Variants in SLC25A21 observed in about 807,000 individuals in gnomAD.
The protein encoded by SLC25A21 is mitochondrial 2-oxodicarboxylate carrier.
Under a neutral mutation model 43.8 loss-of-function variants are expected in SLC25A21, and 47 were observed. The observed-to-expected ratio is 1.07, with a 90% CI of 0.85 to 1.37. SLC25A21 has a LOEUF of 1.37. Among genes scored for constraint, SLC25A21 ranks in the 40% most tolerant of loss-of-function variants. The pLI is 0.00. For synonymous variants in SLC25A21, 131 were observed against 121.3 expected, an observed-to-expected ratio of 1.08 and a Z score of -0.52; for missense variants, 352 against 350.2, an observed-to-expected ratio of 1.00 and a Z score of -0.04.
chr14:37,121,836 T>C (rs1184318945), intron 1 of SLC25A21, among the ~76,000 whole-genome samples: 2 of 152,086 alleles, frequency 1.3e-5, no homozygotes, highest in South Asian at 2.1e-4. Flanking sequence ...TTCTATTAAA[T>C]GCCATGAGTG....
intron 1 of SLC25A21, among the ~76,000 whole-genome samples, chr14:36,907,118 C>G (rs1891556271): frequency 6.6e-6 from 1 of 152,062 alleles, no homozygotes; most frequent in Non-Finnish European, 1.5e-5. Flanking sequence ...CTATTATTAG[C>G]AATAATTGAG....
intron 1 of SLC25A21, among the ~76,000 whole-genome samples, chr14:36,974,483 A>G (rs1353499945): frequency 6.6e-6 from 1 of 152,196 alleles, no homozygotes; most frequent in Non-Finnish European, 1.5e-5. Flanking sequence ...TTAGGTGGCT[A>G]CCAAATATTC....
intron 3 of SLC25A21, among the ~76,000 whole-genome samples, chr14:36,775,990 T>G (rs965855377): frequency 6.6e-6 from 1 of 152,118 alleles, no homozygotes; most frequent in Non-Finnish European, 1.5e-5. Context: ...ACCTCATTTT[T>G]CTATCCTTGC....
chr14:37,108,421 T>C (rs1962955265), intron 1 of SLC25A21, among the ~76,000 whole-genome samples: 2 of 152,156 alleles, frequency 1.3e-5, no homozygotes, highest in African/African-American at 2.4e-5. Flanking sequence ...TACAAGAAAC[T>C]TGAAAAGGAA....
intron 6 of SLC25A21, among the ~76,000 whole-genome samples, chr14:36,713,456 T>C (rs1206860374): frequency 6.6e-6 from 1 of 152,130 alleles, no homozygotes; most frequent in Non-Finnish European, 1.5e-5. Context: ...TGTGTGTGTA[T>C]AAGCAAATGT....
At chr14:37,072,864 C>A (rs1239665792) in intron 1 of SLC25A21, among the ~76,000 whole-genome samples, 1 of 152,198 alleles carries the variant, frequency 6.6e-6, no homozygotes, top group Admixed American at 6.5e-5. Context: ...TCCTTTCAGC[C>A]ACATATACAT....
chr14:36,997,899 A>G (rs1177467972), intron 1 of SLC25A21, among the ~76,000 whole-genome samples: 2 of 152,154 alleles, frequency 1.3e-5, no homozygotes, highest in Admixed American at 1.3e-4. Flanking sequence ...GAGATACTGA[A>G]TGAAGCCTAT....
intron 3 of SLC25A21, among the ~76,000 whole-genome samples, chr14:36,744,603 G>C (rs1885415441): frequency 2.5e-5 from 1 of 40,182 alleles, no homozygotes. Flanking sequence ...AGAAATATAG[G>C]AGAAATTCTT....
intron 1 of SLC25A21, among the ~76,000 whole-genome samples, chr14:37,076,516 T>G (rs1962284833): frequency 6.6e-6 from 1 of 151,336 alleles, no homozygotes; most frequent in South Asian, 2.1e-4. Context: ...TGAGGCAGAG[T>G]CTTGCTCTGT....
intron 1 of SLC25A21, among the ~76,000 whole-genome samples, chr14:37,058,888 T>C (rs1160255063): frequency 6.6e-6 from 1 of 152,190 alleles, no homozygotes; most frequent in East Asian, 1.9e-4. Flanking sequence ...CAGATGAACA[T>C]AAGTGGCATC....
intron 7 of SLC25A21, among the ~76,000 whole-genome samples, chr14:36,686,719 T>G (rs912336557): frequency 2.0e-5 from 3 of 152,216 alleles, no homozygotes; most frequent in African/African-American, 7.2e-5. Context: ...AAGCTCTCTT[T>G]CTTTTTCAAT....
intron 1 of SLC25A21, among the ~76,000 whole-genome samples, chr14:36,972,009 A>C (rs966792971): frequency 3.9e-5 from 6 of 152,150 alleles, no homozygotes; most frequent in African/African-American, 1.4e-4. Flanking sequence ...TTATGTGCTA[A>C]ATAAGGATGT....
chr14:36,721,619 G>A (rs1310101486), intron 6 of SLC25A21, among the ~76,000 whole-genome samples: 1 of 152,134 alleles, frequency 6.6e-6, no homozygotes, highest in African/African-American at 2.4e-5. Context: ...TTCAGTAATT[G>A]GCAAACAAAG....
chr14:36,924,734 A>G (rs1456219445), intron 1 of SLC25A21, among the ~76,000 whole-genome samples: 1 of 152,202 alleles, frequency 6.6e-6, no homozygotes, highest in African/African-American at 2.4e-5. Flanking sequence ...ACAGTATAAC[A>G]ACTACTTACA....
At chr14:37,065,950 T>C (rs1487094343) in intron 1 of SLC25A21, among the ~76,000 whole-genome samples, 1 of 152,184 alleles carries the variant, frequency 6.6e-6, no homozygotes, top group Non-Finnish European at 1.5e-5. Context: ...AAAGATTAAA[T>C]TTAATCAGGC....
At chr14:36,709,824 A>C (rs2139186027) in intron 7 of SLC25A21, among the ~76,000 whole-genome samples, 1 of 152,304 alleles carries the variant, frequency 6.6e-6, no homozygotes, top group East Asian at 1.9e-4. Context: ...ACTAAAAAAA[A>C]AAGCCCTTCA....
intron 1 of SLC25A21, among the ~76,000 whole-genome samples, chr14:36,926,417 T>A (rs991620760): frequency 6.6e-6 from 1 of 151,916 alleles, no homozygotes; most frequent in Non-Finnish European, 1.5e-5. Context: ...AAATGATACA[T>A]TTAAACAAAG....
rs542832431 is a variant in SLC25A21 at position 36,845,156 on chromosome 14, T to C, written c.119+29800A>G. Among the ~76,000 whole-genome samples, 15 of 152,296 alleles carry C rather than the reference T, an allele frequency of 9.8e-5. No homozygotes were observed. The East Asian group carries it at 2.9e-3, about 29-fold the overall frequency. On this transcript the variant is annotated intron_variant, in intron 2 of 9. Coordinates refer to ENST00000331299, the MANE Select transcript of SLC25A21 (RefSeq NM_030631.4). ...GCCAGGCTGCAAAGTAGCTTCTCCA[T>C]TTTTCTGGGGGCACATATATGTAAG...
intron 1 of SLC25A21, among the ~76,000 whole-genome samples, chr14:36,987,902 C>T (rs1337774240): frequency 6.6e-6 from 1 of 152,200 alleles, no homozygotes; most frequent in Admixed American, 6.5e-5. Context: ...ATGGTTCTTT[C>T]ATATGGGCTT....
Sources: gnomAD v4.1 joint callset for allele counts (sites outside exome capture counted in the v4.1 genomes callset) on GRCh38, gnomAD v4.1.1 for gene constraint, MANE v1.5 for transcripts, NCBI Gene and HGNC (gene_info 2026-07-23, HGNC 2026-07-21) for gene names.